Variants in ZNF19 observed in about 807,000 individuals in gnomAD.
ZNF19 encodes zinc finger protein 19 (KOX 12).
ZNF19 carries 11 observed loss-of-function variants against 13.1 expected under a neutral mutation model. The observed-to-expected ratio is 0.84, with a 90% CI of 0.53 to 1.39. ZNF19 has a LOEUF of 1.39. Ranked by LOEUF, ZNF19 falls within the 40% of genes most tolerant of loss-of-function variation. ZNF19 has a pLI of 0.00. For missense variants in ZNF19, 560 were observed against 547.0 expected (o/e 1.02, Z -0.24); for synonymous variants, 186 against 187.0 (o/e 0.99, Z 0.04).
chr16:71,480,276 A>G (rs1414806127), intron 3 of ZNF19, among the ~76,000 whole-genome samples: 1 of 152,030 alleles, frequency 6.6e-6, no homozygotes, highest in African/African-American at 2.4e-5. Context: ...TTTTGCACAT[A>G]TCCACATCCC....
Position 71,475,213 on chromosome 16 carries a change from CA to C in ZNF19, c.1333del (p.Cys445ValfsTer20), listed in dbSNP as rs2043592081. The stretch of plus-strand genomic sequence containing the variant: ...AAAAAATTCTGGGAGGCCAAAACGA[CA>C]AATGTCCAGCACAGGCTTCTCTCCA... ...YSGEKPVLDI[C>X]RFGLPEFFTP... On this transcript the variant is annotated frameshift_variant, in exon 6 of 6. Coordinates refer to ENST00000288177, the MANE Select transcript of ZNF19 (RefSeq NM_006961.4). LOFTEE classifies it high-confidence loss of function. The C allele has an allele frequency of 6.2e-7, 1 of 1,613,076 alleles. No homozygotes were observed. The highest frequency in any genetic ancestry group is 8.5e-7 in the Non-Finnish European group (1 of 1,179,602).
In ZNF19 at chr16:71,474,202, C is replaced by T. The variant is rs942097560; in HGVS notation, c.*968G>A. Reference sequence around the variant, plus strand: ...GAGATCTCTGCAGTGTGTCTTATGACCAAGAACCATGGCATTTCCTTGGCT... The same window carrying T: ...GAGATCTCTGCAGTGTGTCTTATGATCAAGAACCATGGCATTTCCTTGGCT... On this transcript the variant is annotated 3_prime_UTR_variant, in exon 6 of 6. Transcript: ENST00000288177. The T allele has an allele frequency of 6.6e-6, 1 of 152,206 alleles. No individual in the cohort carries two copies. Among genetic ancestry groups the T allele is most frequent in the African/African-American group, 2.4e-5 (1 of 41,440 alleles). The allele number at this position is 152,206 out of a possible 1,614,324, so 9.4% of individuals were successfully genotyped here.
chr16:71,478,958 TTC>T lies in ZNF19; in HGVS notation c.79_80del (p.Glu27MetfsTer53). 6.2e-7 allele frequency: 1 copy of T among 1,614,182 alleles called. No homozygotes were observed. Among genetic ancestry groups the T allele is most frequent in the East Asian group, 2.2e-5 (1 of 44,878 alleles). On this transcript the variant is annotated frameshift_variant, in exon 4 of 6. Transcript: ENST00000288177. LOFTEE classifies it high-confidence loss of function. Reference sequence around the variant, plus strand: ...TCTGGGCAGGAGAAAGGCCAGTCCATTCTGTCTTGGTGAAGTGCACAGCCACA... The same window carrying T: ...TCTGGGCAGGAGAAAGGCCAGTCCATTGTCTTGGTGAAGTGCACAGCCACA... ...EDVAVHFTKT[E>X]WTGLSPAQRA... is the part of the protein sequence containing the mutation.
intron 1 of ZNF19, among the ~76,000 whole-genome samples, chr16:71,486,879 C>T (rs1038605159): frequency 3.3e-5 from 5 of 152,034 alleles, no homozygotes; most frequent in African/African-American, 1.2e-4. Flanking sequence ...ACATGGGAAC[C>T]CGTATGTTTA....
intron 3 of ZNF19, 46 bp from the exon 4 acceptor site, chr16:71,479,051 C>T (rs778489673): frequency 9.3e-6 from 15 of 1,613,420 alleles, no homozygotes; most frequent in South Asian, 5.5e-5. Context: ...CCTCTGGCTC[C>T]GGGCCAGAGT....
chr16:71,483,806 G>A (rs1209577363), intron 2 of ZNF19, among the ~76,000 whole-genome samples: 1 of 152,218 alleles, frequency 6.6e-6, no homozygotes, highest in Non-Finnish European at 1.5e-5. Context: ...GAGAGAGAAG[G>A]GGCATGATCC....
At chr16:71,488,735 G>A (rs1250863124) in intron 1 of ZNF19, among the ~76,000 whole-genome samples, 2 of 152,236 alleles carry the variant, frequency 1.3e-5, no homozygotes, top group African/African-American at 2.4e-5. Context: ...GGAGGCGGAG[G>A]TTGCAGTGAG....
chr16:71,479,044 CT>C (rs753191860), intron 3 of ZNF19, 39 bp from the exon 4 acceptor site: 1 of 1,613,972 alleles, frequency 6.2e-7, no homozygotes, highest in East Asian at 2.2e-5. Context: ...AGCCAATCCT[CT>C]GGCTCCGGGC....
intron 1 of ZNF19, among the ~76,000 whole-genome samples, chr16:71,486,552 GA>G (rs1474277789): frequency 6.6e-6 from 1 of 151,824 alleles, no homozygotes; most frequent in Non-Finnish European, 1.5e-5. Context: ...TCCAGAAGAT[GA>G]AAAAGGCAAG....
chr16:71,478,023 A>C (rs1222703592), intron 5 of ZNF19: 6 of 518,342 alleles, frequency 1.2e-5, no homozygotes, highest in African/African-American at 1.9e-5. Context: ...GAAACTCAGA[A>C]AGGAACAATG....
In ZNF19 at chr16:71,478,979, A is replaced by G. The variant is rs1294716151; in HGVS notation, c.60T>C (p.Ala20=). 1 of 1,614,250 alleles carries G rather than the reference A, an allele frequency of 6.2e-7. No homozygotes were observed. The highest frequency in any genetic ancestry group is 8.5e-7 in the Non-Finnish European group (1 of 1,180,046). The change falls in exon 4 of 6, where the codon GCT becomes GCC. Residue 20 remains alanine (A), a synonymous_variant. Transcript: ENST00000288177. ...TCCATTCTGTCTTGGTGAAGTGCACAGCCACATCCTCGAAGGTCACCATCT... is the reference window on the plus strand; with the variant it reads ...TCCATTCTGTCTTGGTGAAGTGCACGGCCACATCCTCGAAGGTCACCATCT... ...YQEMVTFEDV[A]VHFTKTEWTG...
chr16:71,481,957 C>A, intron 3 of ZNF19, 125 bp downstream of exon 3: 1 of 991,128 alleles, frequency 1.0e-6, no homozygotes, highest in Non-Finnish European at 1.6e-6. Context: ...CCCAGTCCTA[C>A]TGGAGGGAAT....
chr16:71,476,361 A>G, intron 5 of ZNF19, 89 bp from the exon 6 acceptor site: 1 of 1,384,368 alleles, frequency 7.2e-7, no homozygotes, highest in Non-Finnish European at 9.6e-7. Flanking sequence ...GCTTTAAAAG[A>G]GATCATTTCA....
At chr16:71,486,182 A>T (rs1452165518) in intron 1 of ZNF19, among the ~76,000 whole-genome samples, 1 of 25,506 alleles carries the variant, frequency 3.9e-5, no homozygotes, top group South Asian at 1.7e-3. Flanking sequence ...GTCTCTACCG[A>T]AAAAAAAAAA....
At position 71,482,079 on chromosome 16, in the gene ZNF19, C is replaced by T; in HGVS notation, c.33+3G>A. The T allele has an allele frequency of 6.2e-7, 1 of 1,614,188 alleles. No homozygotes were observed. Among genetic ancestry groups the T allele is most frequent in the East Asian group, 2.2e-5 (1 of 44,886 alleles). ...GAGCTGACCTCAGGGATCCACAGCT[C>T]ACCTGGTATTGAGCTTTCAGAGGCA... On this transcript the variant is annotated splice_donor_region_variant and intron_variant, in intron 3 of 5. Coordinates refer to ENST00000288177, the MANE Select transcript of ZNF19 (RefSeq NM_006961.4).
Position 71,479,015 on chromosome 16 carries a change from C to T in ZNF19, c.34-10G>A. 1 of 1,614,168 alleles carries T rather than the reference C, an allele frequency of 6.2e-7. No homozygotes were observed. Among genetic ancestry groups the T allele is most frequent in the Non-Finnish European group, 8.5e-7 (1 of 1,180,026 alleles). ...CGAAGGTCACCATCTCCTAAAACAA[C>T]AGGTTCCTGCTGCCCCAGAGCCAAT... On this transcript the variant is annotated splice_polypyrimidine_tract_variant and intron_variant, in intron 3 of 5. Transcript: ENST00000288177.
At position 71,473,939 on chromosome 16, in the gene ZNF19, C is replaced by T. The variant is rs898205991; in HGVS notation, c.*1231G>A. The T allele has an allele frequency of 6.6e-6, 1 of 152,186 alleles. No individual in the cohort carries two copies. The highest frequency in any genetic ancestry group is 2.4e-5 in the African/African-American group (1 of 41,442). The allele number at this position is 152,186 out of a possible 1,614,324, so 9.4% of individuals were successfully genotyped here. A position where few individuals can be genotyped will look rare whatever the true frequency, so the allele number is the denominator to read the frequency against. ...TCAATTAAAAGGTGTTTACTCAATT[C>T]CCCAAGTCTATCATTCATTGGTCAA... On this transcript the variant is annotated 3_prime_UTR_variant, in exon 6 of 6. Coordinates refer to ENST00000288177, the MANE Select transcript of ZNF19 (RefSeq NM_006961.4).
intron 5 of ZNF19, 31 bp from the exon 6 acceptor site, chr16:71,476,303 G>A: frequency 6.3e-7 from 1 of 1,577,632 alleles, no homozygotes; most frequent in Non-Finnish European, 8.6e-7. Flanking sequence ...CACAAATAAT[G>A]CCACCTGAGA....
At chr16:71,483,432 T>C (rs935755854) in intron 2 of ZNF19, among the ~76,000 whole-genome samples, 1 of 152,236 alleles carries the variant, frequency 6.6e-6, no homozygotes, top group Non-Finnish European at 1.5e-5. Flanking sequence ...TTAGCTACAA[T>C]GGCCTTCTTT....
Sources: allele counts gnomAD v4.1 joint callset (sites outside exome capture counted in the v4.1 genomes callset), GRCh38; gene constraint gnomAD v4.1.1; transcripts MANE v1.5; gene names NCBI Gene and HGNC (gene_info 2026-07-23, HGNC 2026-07-21).